Variants in PARPBP observed in about 807,000 individuals in gnomAD.
PARPBP encodes the protein PCNA-interacting partner.
In PARPBP, 52 loss-of-function variants were observed where a neutral mutation model predicts 50.0. That is an observed-to-expected ratio of 1.04 (90% CI 0.83 to 1.31). PARPBP has a LOEUF of 1.31. Ranked by LOEUF, PARPBP falls within the 50% of genes most tolerant of loss-of-function variation. PARPBP has a pLI of 0.00. For missense variants in PARPBP, 697 were observed against 672.0 expected (o/e 1.04, Z -0.41); for synonymous variants, 244 against 232.1 (o/e 1.05, Z -0.47).
chr12:102,166,466 C>A (rs1013409007), intron 6 of PARPBP, among the ~76,000 whole-genome samples: 1 of 151,994 alleles, frequency 6.6e-6, no homozygotes, highest in South Asian at 2.1e-4. Flanking sequence ...GGATCATTGT[C>A]AATTTGGTAT....
intron 9 of PARPBP, among the ~76,000 whole-genome samples, chr12:102,184,046 GAAAA>G (rs71438459): frequency 8.3e-5 from 5 of 59,974 alleles, no homozygotes; most frequent in African/African-American, 2.9e-4. Context: ...GACTCTATCT[GAAAA>G]AAAAAAAAAA....
chr12:102,152,344 G>A (rs186031683), intron 3 of PARPBP, among the ~76,000 whole-genome samples: 5 of 146,080 alleles, frequency 3.4e-5, no homozygotes, highest in South Asian at 2.2e-4. Context: ...TCCAGATCAA[G>A]GTTCCAGTTC....
chr12:102,121,926 C>T (rs1453015368), intron 1 of PARPBP, among the ~76,000 whole-genome samples: 1 of 152,130 alleles, frequency 6.6e-6, no homozygotes, highest in Non-Finnish European at 1.5e-5. Context: ...AGGCACTGTT[C>T]TAAAAGCTTT....
chr12:102,123,958 T>G lies in PARPBP; in HGVS notation c.70T>G (p.Cys24Gly), dbSNP rs1429510403. The G allele has an allele frequency of 6.5e-7, 1 of 1,534,936 alleles. No individual in the cohort carries two copies. The highest frequency in any genetic ancestry group is 1.2e-5 in the South Asian group (1 of 84,044). The change falls in exon 2 of 11, where the codon TGT becomes GGT. Residue 24 changes from cysteine (C) to glycine (G), a missense_variant. Physicochemically the swap from Cys to Gly is radical, Grantham distance 159 (BLOSUM62 -3). Coordinates refer to ENST00000327680, the MANE Select transcript of PARPBP (RefSeq NM_017915.5). ...KEFRKNWRALCNSERTTLCGA... is the reference protein window; with the variant it reads ...KEFRKNWRALGNSERTTLCGA... ...GTTTCGAAAAAATTGGCGTGCTCTT[T>G]GTAACTCTGAGAGAACTACTCTATG...
At chr12:102,178,294 T>C (rs1321199522) in intron 7 of PARPBP, among the ~76,000 whole-genome samples, 1 of 152,204 alleles carries the variant, frequency 6.6e-6, no homozygotes, top group East Asian at 1.9e-4. Flanking sequence ...GCCATGGGGC[T>C]GATGTCACAT....
chr12:102,146,416 A>G (rs1885362793), intron 2 of PARPBP, among the ~76,000 whole-genome samples: 1 of 152,178 alleles, frequency 6.6e-6, no homozygotes, highest in Admixed American at 6.5e-5. Context: ...AATGCCACAT[A>G]TCTACAACTA....
chr12:102,158,914 TG>T (rs769974453), intron 4 of PARPBP, among the ~76,000 whole-genome samples: 17 of 152,356 alleles, frequency 1.1e-4, no homozygotes, highest in South Asian at 6.2e-4. Context: ...TGTAGTTTCC[TG>T]ATTTAAACAA....
chr12:102,126,189 C>CT (rs1391074434), intron 2 of PARPBP, among the ~76,000 whole-genome samples: 1 of 151,774 alleles, frequency 6.6e-6, no homozygotes, highest in South Asian at 2.1e-4. Flanking sequence ...AGCTTTCTAC[C>CT]TTTTTTTTGG....
In PARPBP at chr12:102,196,025, A is replaced by G. The variant is rs747643575; in HGVS notation, c.1474A>G (p.Asn492Asp). ...FGNVHLDRSK[N>D]EKVSRKSTSQ... ...AAATGTTCATCTGGACAGAAGTAAAAATGAAAAAGTATCAAGAAAATCAAC... is the reference window on the plus strand; with the variant it reads ...AAATGTTCATCTGGACAGAAGTAAAGATGAAAAAGTATCAAGAAAATCAAC... The change falls in exon 11 of 11, where the codon AAT becomes GAT. Residue 492 changes from asparagine to aspartate, a missense_variant. By Grantham distance (23) the Asn-to-Asp change is conservative (BLOSUM62 1). Coordinates refer to ENST00000327680, the MANE Select transcript of PARPBP (RefSeq NM_017915.5). 7.4e-6 allele frequency: 12 copies of G among 1,611,448 alleles called. No individual in the cohort carries two copies. The highest frequency in any genetic ancestry group is 3.3e-4 in the Middle Eastern group (2 of 6,050).
At chr12:102,193,508 T>C (rs577301066) in intron 9 of PARPBP, among the ~76,000 whole-genome samples, 112 of 152,078 alleles carry the variant, frequency 7.4e-4, no homozygotes, top group African/African-American at 2.4e-3. Context: ...CTTACTATAC[T>C]CTTTATAACT....
rs1422434375 is a variant in PARPBP, at chr12:102,196,754, A to C, written c.*463A>C. 2.2e-6 allele frequency: 3 copies of C among 1,378,160 alleles called. No homozygotes were observed. The African/African-American group carries it at 4.3e-5, about 20-fold the overall frequency. 85.4% of individuals were successfully genotyped at this position (1,378,160 alleles called of 1,614,324 possible). On this transcript the variant is annotated 3_prime_UTR_variant, in exon 11 of 11. Coordinates refer to ENST00000327680, the MANE Select transcript of PARPBP (RefSeq NM_017915.5). ...TTAAAGGACTATAATTATCACACAA[A>C]ATTTATTAAGAAAAAAAGAATGGAT...
intron 2 of PARPBP, among the ~76,000 whole-genome samples, chr12:102,144,265 G>A (rs79558339): frequency 0.036 from 5,457 of 152,232 alleles, 390 homozygotes; most frequent in East Asian, 0.3. Context: ...TACAAAGTAC[G>A]AATGCTCTGG....
chr12:102,172,807 C>A (rs1314092833), intron 6 of PARPBP, among the ~76,000 whole-genome samples: 1 of 152,032 alleles, frequency 6.6e-6, no homozygotes, highest in Non-Finnish European at 1.5e-5. Flanking sequence ...ATTTTATTAA[C>A]CATTTGAATC....
intron 6 of PARPBP, among the ~76,000 whole-genome samples, chr12:102,174,239 T>C (rs139144118): frequency 2.0e-5 from 3 of 152,148 alleles, no homozygotes; most frequent in African/African-American, 7.2e-5. Flanking sequence ...TCTCTGGAGA[T>C]TGTAATTCCA....
chr12:102,174,576 C>T (rs1365503652), intron 6 of PARPBP, among the ~76,000 whole-genome samples: 1 of 152,206 alleles, frequency 6.6e-6, no homozygotes, highest in African/African-American at 2.4e-5. Flanking sequence ...GGCAGCCTGA[C>T]TTCATGGTCT....
In PARPBP at chr12:102,143,871, G is replaced by A. The variant is rs559603703; in HGVS notation, c.154-4359G>A. On this transcript the variant is annotated intron_variant, in intron 2 of 10. Transcript: ENST00000327680. ...TATTAATTTTATACCTTTATGGAAA[G>A]CAATTACAGTACCTGTGATTGACTG... 2.6e-5 allele frequency among the ~76,000 whole-genome samples: 4 copies of A among 152,150 alleles called. No homozygotes were observed. The South Asian group carries it at 8.3e-4, about 32-fold the overall frequency.
Position 102,148,392 on chromosome 12 carries a change from G to C in PARPBP, c.316G>C (p.Asp106His). 6.3e-7 allele frequency: 1 copy of C among 1,580,320 alleles called. No homozygotes were observed. Among genetic ancestry groups the C allele is most frequent in the Non-Finnish European group, 8.7e-7 (1 of 1,150,306 alleles). Residue 106 changes from aspartate (D) to histidine (H), a missense_variant, in exon 3 of 11, where the codon GAT becomes CAT. By Grantham distance (81) the Asp-to-His change is moderately conservative (BLOSUM62 -1). Transcript: ENST00000327680. ...DDFLKNSNML[D>H]LIDVYQKCRA... ...TTTCTTGAAGAACAGTAATATGTTA[G>C]ATCTGATTGATGTTTATCAAAAATG... is the stretch of plus-strand genomic sequence containing the variant.
At chr12:102,128,474 G>T (rs895775682) in intron 2 of PARPBP, among the ~76,000 whole-genome samples, 22 of 152,098 alleles carry the variant, frequency 1.4e-4, no homozygotes, top group African/African-American at 5.3e-4. Context: ...CTCGTGATCT[G>T]CCCACCTCGG....
At chr12:102,148,132 T>C in intron 2 of PARPBP, 98 bp from the exon 3 acceptor site, 1 of 545,578 alleles carries the variant, frequency 1.8e-6, no homozygotes. Flanking sequence ...ATGTAGACTT[T>C]ACCAAAATTT....
Sources: gnomAD v4.1 joint callset for allele counts (sites outside exome capture counted in the v4.1 genomes callset) on GRCh38, gnomAD v4.1.1 for gene constraint, MANE v1.5 for transcripts, NCBI Gene and HGNC (gene_info 2026-07-23, HGNC 2026-07-21) for gene names.